The following MDGA2 variants were observed in gnomAD, a reference collection of about 807,000 sequenced individuals.
The protein encoded by MDGA2 is MAM domain containing glycosylphosphatidylinositol anchor 2.
MDGA2 carries 40 observed loss-of-function variants against 117.8 expected under a neutral mutation model. The ratio of observed to expected loss-of-function variants is 0.34; its 90% CI spans 0.26 to 0.44. MDGA2 has a LOEUF of 0.44. MDGA2 is among the 20% of genes least tolerant of loss of function. The probability of loss-of-function intolerance (pLI) is 1.00; values close to 1 mark genes in which losing one functional copy is unlikely to be tolerated. For synonymous variants in MDGA2, 452 were observed against 439.0 expected (o/e 1.03, Z -0.37); for missense variants, 1,123 against 1,250.6 (o/e 0.90, Z 1.54).
chr14:47,100,400 T>G (rs528761010), intron 5 of MDGA2, among the ~76,000 whole-genome samples: 1 of 152,232 alleles, frequency 6.6e-6, no homozygotes, highest in South Asian at 2.1e-4. Flanking sequence ...TACTAAATCA[T>G]GTACATGTTT....
chr14:47,063,034 C>T (rs1222303847), intron 6 of MDGA2, among the ~76,000 whole-genome samples: 1 of 151,972 alleles, frequency 6.6e-6, no homozygotes, highest in Non-Finnish European at 1.5e-5. Context: ...ACAAAATAGA[C>T]ATAACCATGG....
chr14:47,525,007 C>A (rs977232820), intron 1 of MDGA2, among the ~76,000 whole-genome samples: 5 of 152,208 alleles, frequency 3.3e-5, no homozygotes, highest in Non-Finnish European at 7.4e-5. Context: ...ATTTGTGAAG[C>A]TTTGTCCTCT....
chr14:46,971,530 AGATAGATATCAGAGGCT>A (rs999722721), intron 8 of MDGA2, among the ~76,000 whole-genome samples: 1 of 152,128 alleles, frequency 6.6e-6, no homozygotes, highest in Non-Finnish European at 1.5e-5. Context: ...GATAGAGTAT[AGATAGATATCAGAGGCT>A]TGGAAGGTGT....
intron 15 of MDGA2, among the ~76,000 whole-genome samples, chr14:46,849,786 T>G (rs1172734543): frequency 6.6e-6 from 1 of 151,852 alleles, no homozygotes; most frequent in Non-Finnish European, 1.5e-5. Context: ...TTTCCATCAT[T>G]TCCATCATTT....
chr14:47,274,400 G>GT (rs1170864158), intron 2 of MDGA2, among the ~76,000 whole-genome samples: 2 of 151,916 alleles, frequency 1.3e-5, no homozygotes, highest in African/African-American at 4.8e-5. Flanking sequence ...TTTTGCGCAT[G>GT]TATTATTAGT....
intron 2 of MDGA2, among the ~76,000 whole-genome samples, chr14:47,259,537 G>T (rs1030724223): frequency 6.6e-6 from 1 of 151,928 alleles, no homozygotes; most frequent in Admixed American, 6.6e-5. Flanking sequence ...AACCTGTTTG[G>T]CTTGTTTAAC....
intron 2 of MDGA2, among the ~76,000 whole-genome samples, chr14:47,269,582 T>C (rs1594763982): frequency 6.6e-6 from 1 of 152,130 alleles, no homozygotes; most frequent in Non-Finnish European, 1.5e-5. Context: ...ATTCAAGTAA[T>C]TGCAAACTAT....
chr14:47,294,097 G>A (rs920743875), intron 2 of MDGA2, among the ~76,000 whole-genome samples: 1 of 145,866 alleles, frequency 6.9e-6, no homozygotes, highest in African/African-American at 2.6e-5. Context: ...CCATTGATAT[G>A]GCAATCTTTT....
chr14:47,046,932 C>G (rs1889286165), intron 7 of MDGA2, among the ~76,000 whole-genome samples: 1 of 152,106 alleles, frequency 6.6e-6, no homozygotes, highest in Admixed American at 6.6e-5. Context: ...AGCAACTACT[C>G]TGGGAGTAAC....
rs368906256 is a variant in MDGA2, at chr14:46,945,218, A to G, written c.2089+12156T>C. On this transcript the variant is annotated intron_variant, in intron 9 of 16. Coordinates refer to ENST00000399232, the MANE Select transcript of MDGA2 (RefSeq NM_001113498.3). ...TGTGGAAATCCAAGGATGTTCCTAA[A>G]CTCTTCTAACTTGGTGGGACTCACC... Among the ~76,000 whole-genome samples, 178 of 152,058 alleles carry G rather than the reference A, an allele frequency of 1.2e-3. 1 individual carries two copies. Among genetic ancestry groups the G allele is most frequent in the African/African-American group, 4.1e-3 (171 of 41,486 alleles).
intron 1 of MDGA2, among the ~76,000 whole-genome samples, chr14:47,484,021 T>C (rs565837831): frequency 6.6e-6 from 1 of 152,204 alleles, no homozygotes; most frequent in Non-Finnish European, 1.5e-5. Context: ...GTTTTAAAAA[T>C]AAGTTTTGTC....
intron 1 of MDGA2, among the ~76,000 whole-genome samples, chr14:47,503,987 CAAA>C (rs754136212): frequency 5.6e-4 from 85 of 152,118 alleles, no homozygotes; most frequent in Non-Finnish European, 5.6e-4. Flanking sequence ...AATAGATGTA[CAAA>C]ATGTGTAACC....
chr14:47,299,703 C>A (rs1340356957), intron 2 of MDGA2, among the ~76,000 whole-genome samples: 1 of 152,108 alleles, frequency 6.6e-6, no homozygotes, highest in Non-Finnish European at 1.5e-5. Flanking sequence ...TTCACATATC[C>A]ATTTCCTTGT....
chr14:47,302,670 T>C (rs1029217538), intron 1 of MDGA2, among the ~76,000 whole-genome samples: 1 of 152,086 alleles, frequency 6.6e-6, no homozygotes, highest in African/African-American at 2.4e-5. Context: ...GGTGATTCTA[T>C]GGAAGAAAAA....
intron 1 of MDGA2, among the ~76,000 whole-genome samples, chr14:47,580,452 T>C (rs1388385493): frequency 1.3e-5 from 2 of 152,022 alleles, no homozygotes; most frequent in Non-Finnish European, 2.9e-5. Flanking sequence ...TTTCAACATA[T>C]CAATTTTGAG....
chr14:46,956,587 GA>G (rs1039161456), intron 9 of MDGA2, among the ~76,000 whole-genome samples: 4 of 146,416 alleles, frequency 2.7e-5, no homozygotes, highest in South Asian at 2.1e-4. Context: ...ATAAACAAAA[GA>G]AAAAAAATTC....
intron 2 of MDGA2, among the ~76,000 whole-genome samples, chr14:47,253,443 C>T (rs1415170716): frequency 6.6e-6 from 1 of 152,216 alleles, no homozygotes. Context: ...ACGGGCTACA[C>T]ACACCATGCA....
intron 5 of MDGA2, among the ~76,000 whole-genome samples, chr14:47,112,236 A>G (rs1881081026): frequency 6.6e-6 from 1 of 152,164 alleles, no homozygotes; most frequent in African/African-American, 2.4e-5. Flanking sequence ...ATGCTTTTTT[A>G]AAAAATGTGT....
At chr14:46,886,380 C>T (rs1049025854) in intron 10 of MDGA2, among the ~76,000 whole-genome samples, 11 of 151,814 alleles carry the variant, frequency 7.2e-5, no homozygotes, top group African/African-American at 2.7e-4. Context: ...AAATATTGAA[C>T]TAAAATTAAT....
Sources: gnomAD v4.1 joint callset for allele counts (sites outside exome capture counted in the v4.1 genomes callset) on GRCh38, gnomAD v4.1.1 for gene constraint, MANE v1.5 for transcripts, NCBI Gene and HGNC (gene_info 2026-07-23, HGNC 2026-07-21) for gene names.